NCOR2: variants seen among roughly 807,000 people sequenced by gnomAD.
NCOR2 encodes the protein CTG repeat protein 26.
In NCOR2, 81 loss-of-function variants were observed where a neutral mutation model predicts 262.9. The observed-to-expected ratio is 0.31, with a 90% CI of 0.26 to 0.37. NCOR2 has a LOEUF of 0.37. Among genes scored for constraint, NCOR2 ranks in the 10% least tolerant of loss-of-function variants. The pLI is 1.00. For synonymous variants in NCOR2, 1,659 were observed against 1,559.3 expected (o/e 1.06, Z -1.51); for missense variants, 3,385 against 3,621.4 (o/e 0.93, Z 1.68).
intron 1 of NCOR2, among the ~76,000 whole-genome samples, chr12:124,525,773 C>T (rs182234640): frequency 1.1e-4 from 17 of 152,312 alleles, no homozygotes; most frequent in Non-Finnish European, 2.1e-4. Flanking sequence ...AAGCAGCTGC[C>T]GTGGAGTCAG....
upstream of NCOR2, chr12:124,567,609 T>TGGC (rs574345580): frequency 9.0e-3 from 1,297 of 143,972 alleles, 16 homozygotes; most frequent in African/African-American, 0.026. Flanking sequence ...GCGGCGGCGG[T>TGGC]GGCGGCGGCG....
At chr12:124,388,772 G>C (rs1028237036) in intron 16 of NCOR2, 1 of 1,303,760 alleles carries the variant, frequency 7.7e-7, no homozygotes, top group Non-Finnish European at 1.0e-6. Flanking sequence ...GAAGTGGGCC[G>C]GCAGGCTGGG....
At chr12:124,419,496 C>T (rs1389226773) in intron 13 of NCOR2, among the ~76,000 whole-genome samples, 4 of 152,332 alleles carry the variant, frequency 2.6e-5, no homozygotes, top group South Asian at 4.1e-4. Flanking sequence ...TCTGAAAAAA[C>T]GGCGAGCTGA....
At chr12:124,335,607 G>T in exon 39 of NCOR2, 2 of 1,605,416 alleles carry the variant, frequency 1.2e-6, no homozygotes. Flanking sequence ...CCACCCCTTC[G>T]GGGCTGTAGC....
chr12:124,344,734 G>A (rs1376009336), exon 32 of NCOR2: 11 of 1,543,812 alleles, frequency 7.1e-6, no homozygotes, highest in Non-Finnish European at 9.6e-6. Context: ...AATGACCGGG[G>A]CGCCGCGCGC....
intron 24 of NCOR2, 40 bp downstream of exon 26, chr12:124,355,392 A>G: frequency 6.2e-7 from 1 of 1,606,586 alleles, no homozygotes; most frequent in Non-Finnish European, 8.5e-7. Context: ...TTTACAGATA[A>G]GAAGACTAAG....
intron 12 of NCOR2, among the ~76,000 whole-genome samples, chr12:124,420,495 C>T (rs918681950): frequency 1.3e-5 from 2 of 152,184 alleles, no homozygotes; most frequent in Non-Finnish European, 2.9e-5. Flanking sequence ...CTGGCTTCAG[C>T]CTTCTCTTCC....
At position 124,387,235 on chromosome 12, in the gene NCOR2, C is replaced by T. The variant is rs2040874516; in HGVS notation, c.1877-1348G>A. Reference sequence around the variant, plus strand: ...TCATTCATTCATTCATTCATTCATCCACCCACCCACCCACCCACGTGCTGG... The same window carrying T: ...TCATTCATTCATTCATTCATTCATCTACCCACCCACCCACCCACGTGCTGG... On this transcript the variant is annotated intron_variant, in intron 16 of 46. Transcript: ENST00000405201. Among the ~76,000 whole-genome samples, 2 of 146,110 alleles carry T rather than the reference C, an allele frequency of 1.4e-5. 1 individual carries two copies. The highest frequency in any genetic ancestry group is 4.6e-4 in the South Asian group (2 of 4,362).
Position 124,483,445 on chromosome 12 carries a change from C to G in NCOR2, c.411+151G>C, listed in dbSNP as rs905271771. On this transcript the variant is annotated intron_variant, in intron 3 of 46. Coordinates refer to ENST00000405201, the Ensembl canonical transcript of NCOR2. The surrounding 1 kb of genome is among the most constrained non-coding windows in gnomAD (Gnocchi z 6.3). ...CCCAGCGCCTGCCCTCTTCCTGCCA[C>G]CCAGCTCTGTGCACCCGGTGCTTGG... 1.2e-6 allele frequency: 1 copy of G among 836,414 alleles called. No homozygotes were observed. The highest frequency in any genetic ancestry group is 1.8e-6 in the Non-Finnish European group (1 of 566,308). 51.8% of individuals were successfully genotyped at this position (836,414 alleles called of 1,614,324 possible).
At chr12:124,473,091 G>T in exon 4 of NCOR2, 1 of 1,614,022 alleles carries the variant, frequency 6.2e-7, no homozygotes, top group Non-Finnish European at 8.5e-7. Context: ...CGGGGGGCTG[G>T]GGGGAGACAC....
At chr12:124,386,614 G>A (rs766736106) in intron 16 of NCOR2, among the ~76,000 whole-genome samples, 3 of 152,198 alleles carry the variant, frequency 2.0e-5, no homozygotes, top group African/African-American at 7.2e-5. Context: ...CTCCTGCTGT[G>A]GGAAGAGACC....
At position 124,454,707 on chromosome 12, in the gene NCOR2, GTACGGC is replaced by G. The variant is rs2136536188; in HGVS notation, c.762+2393_762+2398del. ...AGCTTACTGGTGGAGATGTAAAATG[GTACGGC>G]CACTTTTCGGCCACTTTGGAAAACA... On this transcript the variant is annotated intron_variant, in intron 6 of 46. Coordinates refer to ENST00000405201, the Ensembl canonical transcript of NCOR2. The surrounding 1 kb of genome is among the most constrained non-coding windows in gnomAD (Gnocchi z 5.6). 1.6e-4 allele frequency among the ~76,000 whole-genome samples: 2 copies of G among 12,438 alleles called. No individual in the cohort carries two copies. The highest frequency in any genetic ancestry group is 2.4e-4 in the African/African-American group (2 of 8,180). 8.2% of individuals were successfully genotyped at this position (12,438 alleles called of 152,430 possible).
chr12:124,444,724 G>A (rs1045086420), intron 7 of NCOR2, among the ~76,000 whole-genome samples: 126 of 152,170 alleles, frequency 8.3e-4, no homozygotes, highest in Non-Finnish European at 4.7e-4. Context: ...GGATACCTTG[G>A]GAAGAGACTG....
intron 38 of NCOR2, chr12:124,336,036 C>T (rs575400044): frequency 1.0e-5 from 2 of 195,038 alleles, no homozygotes; most frequent in East Asian, 1.3e-4. Context: ...CCCGGGGCCC[C>T]GCCTGGGCTA....
chr12:124,354,649 C>T, intron 25 of NCOR2, 67 bp from the exon 28 acceptor site: 2 of 1,412,326 alleles, frequency 1.4e-6, no homozygotes, highest in Non-Finnish European at 1.9e-6. Flanking sequence ...TTGTCCCCAC[C>T]CAACCTGAGC....
chr12:124,426,369 A>G (rs1452150313), intron 11 of NCOR2, among the ~76,000 whole-genome samples: 1 of 152,230 alleles, frequency 6.6e-6, no homozygotes, highest in Admixed American at 6.5e-5. Context: ...AAGCCCCGGA[A>G]GGCCAAGGAT....
chr12:124,516,735 C>T (rs924635300), intron 1 of NCOR2, among the ~76,000 whole-genome samples: 2 of 150,820 alleles, frequency 1.3e-5, no homozygotes, highest in African/African-American at 4.9e-5. Context: ...ACTGGAACCT[C>T]AGTCCGGCCA....
intron 7 of NCOR2, among the ~76,000 whole-genome samples, chr12:124,439,394 GACAGAGGGAGACAGAGACCC>G (rs1565945785): frequency 4.3e-5 from 6 of 138,492 alleles, no homozygotes; most frequent in African/African-American, 5.2e-5. Flanking sequence ...GAGACCCAGA[GACAGAGGGAGACAGAGACCC>G]AGAGAGAGAG....
chr12:124,543,761 G>A (rs2051454104), intron 1 of NCOR2, among the ~76,000 whole-genome samples: 1 of 152,208 alleles, frequency 6.6e-6, no homozygotes, highest in South Asian at 2.1e-4. Context: ...GGCCACGACA[G>A]GGCAGGGAGC....
Sources: gnomAD v4.1 joint callset for allele counts (sites outside exome capture counted in the v4.1 genomes callset) on GRCh38, gnomAD v4.1.1 for gene constraint, Gnocchi (gnomAD v3.1) non-coding constraint, MANE v1.5 for transcripts, NCBI Gene and HGNC (gene_info 2026-07-23, HGNC 2026-07-21) for gene names.